RCC2: variants seen among roughly 807,000 people sequenced by gnomAD.
RCC2 encodes regulator of chromosome condensation 2, also known as protein RCC2.
Under a neutral mutation model 64.1 loss-of-function variants are expected in RCC2, and 19 were observed. The ratio of observed to expected loss-of-function variants is 0.30; its 90% CI spans 0.21 to 0.44. The LOEUF (loss-of-function observed/expected upper bound fraction) is 0.44, where lower values mean the gene tolerates loss of function less well. RCC2 is among the 20% of genes least tolerant of loss of function. The probability of loss-of-function intolerance (pLI) is 1.00; values close to 1 mark genes in which losing one functional copy is unlikely to be tolerated. For synonymous variants in RCC2, 325 were observed against 279.6 expected (o/e 1.16, Z -1.62); for missense variants, 508 against 710.4 (o/e 0.72, Z 3.24).
intron 7 of RCC2, among the ~76,000 whole-genome samples, chr1:17,417,397 G>A (rs961763515): frequency 1.3e-5 from 2 of 152,226 alleles, no homozygotes; most frequent in African/African-American, 4.8e-5. Context: ...GTTGGGCACG[G>A]TGGGCCACGC....
At chr1:17,432,146 A>G (rs2075688848) in intron 2 of RCC2, among the ~76,000 whole-genome samples, 1 of 152,204 alleles carries the variant, frequency 6.6e-6, no homozygotes, top group African/African-American at 2.4e-5. Flanking sequence ...AAGGGAGAAC[A>G]ACTTTGGTTC....
chr1:17,433,529 A>G (rs1415675414), intron 2 of RCC2, among the ~76,000 whole-genome samples: 1 of 152,056 alleles, frequency 6.6e-6, no homozygotes, highest in East Asian at 1.9e-4. Context: ...GTTTTTTTGG[A>G]CGAACTCAGT....
intron 8 of RCC2, among the ~76,000 whole-genome samples, chr1:17,415,424 C>T (rs1281550784): frequency 1.3e-5 from 2 of 152,150 alleles, no homozygotes; most frequent in Non-Finnish European, 1.5e-5. Context: ...TTAAAAGATA[C>T]ACTAACAGCC....
intron 4 of RCC2, 141 bp downstream of exon 4, chr1:17,425,400 A>T: frequency 1.2e-6 from 1 of 814,306 alleles, no homozygotes; most frequent in Non-Finnish European, 1.8e-6. Context: ...GCTGGGAATT[A>T]GGAAAAAAGA....
At chr1:17,422,892 C>T (rs1471625716) in intron 4 of RCC2, 56 bp from the exon 5 acceptor site, 1 of 1,608,872 alleles carries the variant, frequency 6.2e-7, no homozygotes, top group South Asian at 1.1e-5. Context: ...GGCGGCACCA[C>T]CAGGAGAAGG....
chr1:17,410,068 G>C lies in RCC2; in HGVS notation c.1387-17C>G. The C allele has an allele frequency of 1.2e-6, 2 of 1,612,272 alleles. No homozygotes were observed. The highest frequency in any genetic ancestry group is 1.7e-6 in the Non-Finnish European group (2 of 1,178,874). On this transcript the variant is annotated splice_polypyrimidine_tract_variant and intron_variant, in intron 11 of 12. Coordinates refer to ENST00000375436, the MANE Select transcript of RCC2 (RefSeq NM_018715.4). ...CCCGTAGCCCTGGCGAAGCAAACAAGATGTTCGCAATCGAGGATCCATGTG... is the reference window on the plus strand; with the variant it reads ...CCCGTAGCCCTGGCGAAGCAAACAACATGTTCGCAATCGAGGATCCATGTG...
chr1:17,410,193 T>G, intron 11 of RCC2, 142 bp from the exon 12 acceptor site: 1 of 709,184 alleles, frequency 1.4e-6, no homozygotes. Context: ...CCGGCCACCC[T>G]TGCACACAAG....
At chr1:17,431,350 AAAAAAAAAAAT>A (rs2075674986) in intron 2 of RCC2, among the ~76,000 whole-genome samples, 2 of 75,842 alleles carry the variant, frequency 2.6e-5, no homozygotes, top group Admixed American at 1.6e-4. Context: ...AAAAAAAAAA[AAAAAAAAAAAT>A]ATATATATAT....
In RCC2 at chr1:17,422,171, A is replaced by C. The variant is rs201313767; in HGVS notation, c.744+32T>G. On this transcript the variant is annotated intron_variant, in intron 6 of 12. Coordinates refer to ENST00000375436, the MANE Select transcript of RCC2 (RefSeq NM_018715.4). ...AAACACAAAAGTAAAGAGAAACAAA[A>C]AGCCATGGAGCCGGAGCTGAGGAGG... is the stretch of plus-strand genomic sequence containing the variant. The C allele has an allele frequency of 8.0e-5, 118 of 1,481,452 alleles. 1 individual carries two copies. In the East Asian group the frequency reaches 2.7e-3, roughly 34 times the overall value. 91.8% of individuals were successfully genotyped at this position (1,481,452 alleles called of 1,614,324 possible). A position where few individuals can be genotyped will look rare whatever the true frequency, so the allele number is the denominator to read the frequency against.
chr1:17,410,083 G>A, intron 11 of RCC2, 32 bp from the exon 12 acceptor site: 1 of 1,587,938 alleles, frequency 6.3e-7, no homozygotes. Flanking sequence ...TCGCAATCGA[G>A]GATCCATGTG....
rs533460348 is a variant in RCC2 at position 17,436,671 on chromosome 1, G to T, written c.285+1559C>A. Among the ~76,000 whole-genome samples the T allele has an allele frequency of 5.9e-5, 9 of 152,292 alleles. No homozygotes were observed. In the East Asian group the frequency reaches 1.7e-3, roughly 29 times the overall value. ...TGGGGTAAGGATCTTTTGCTCTGAT[G>T]GCAAAATTCAGCGTTCCAACAGTCT... On this transcript the variant is annotated intron_variant, in intron 2 of 12. Transcript: ENST00000375436.
At chr1:17,416,718 C>T in intron 7 of RCC2, 72 bp from the exon 8 acceptor site, 2 of 1,488,256 alleles carry the variant, frequency 1.3e-6, no homozygotes, top group African/African-American at 2.8e-5. Flanking sequence ...CTCACACGGA[C>T]TCTGTAGTGA....
Position 17,429,218 on chromosome 1 carries a change from G to C in RCC2, c.286-19C>G. 6.2e-7 allele frequency: 1 copy of C among 1,603,994 alleles called. No individual in the cohort carries two copies. The highest frequency in any genetic ancestry group is 2.2e-5 in the East Asian group (1 of 44,832). On this transcript the variant is annotated intron_variant, in intron 2 of 12. Transcript: ENST00000375436. ...CAAGTTTCTGCAGAGACAGAGAAAGGAAAAAAGAATTAGTGTGTAAGTCTG... is the reference window on the plus strand; with the variant it reads ...CAAGTTTCTGCAGAGACAGAGAAAGCAAAAAAGAATTAGTGTGTAAGTCTG...
intron 1 of RCC2, 56 bp from the exon 2 acceptor site, chr1:17,438,578 G>A: frequency 7.8e-7 from 1 of 1,275,906 alleles, no homozygotes; most frequent in Non-Finnish European, 9.9e-7. Context: ...ACTGCGCGGG[G>A]GGAGGGGAGC....
At chr1:17,422,107 G>T in intron 6 of RCC2, 96 bp downstream of exon 6, 1 of 808,474 alleles carries the variant, frequency 1.2e-6, no homozygotes, top group East Asian at 2.6e-5. Context: ...TTTTACAAGG[G>T]GTAAATTAAC....
intron 7 of RCC2, 97 bp from the exon 8 acceptor site, chr1:17,416,743 C>T (rs2075490830): frequency 1.6e-6 from 2 of 1,286,724 alleles, no homozygotes; most frequent in Admixed American, 5.2e-5. Context: ...CGGCAGCACC[C>T]CAATCTGGCC....
intron 7 of RCC2, among the ~76,000 whole-genome samples, chr1:17,416,901 A>C (rs1006828877): frequency 2.0e-5 from 3 of 152,186 alleles, no homozygotes; most frequent in Non-Finnish European, 2.9e-5. Flanking sequence ...GACAAAGAAT[A>C]CTCTACACAT....
At chr1:17,436,919 C>T (rs2075741011) in intron 2 of RCC2, among the ~76,000 whole-genome samples, 1 of 152,204 alleles carries the variant, frequency 6.6e-6, no homozygotes, top group Admixed American at 6.5e-5. Flanking sequence ...AATACTTTGG[C>T]CATTGTCTAG....
intron 4 of RCC2, 40 bp from the exon 5 acceptor site, chr1:17,422,876 G>T (rs1488753419): frequency 6.2e-7 from 1 of 1,612,270 alleles, no homozygotes; most frequent in African/African-American, 1.3e-5. Flanking sequence ...GAGAGAGGGT[G>T]GTCCAGGCGG....
Sources: gnomAD v4.1 joint callset for allele counts (sites outside exome capture counted in the v4.1 genomes callset) on GRCh38, gnomAD v4.1.1 for gene constraint, MANE v1.5 for transcripts, NCBI Gene and HGNC (gene_info 2026-07-23, HGNC 2026-07-21) for gene names.